The following GNS variants were observed in gnomAD, a reference collection of about 807,000 sequenced individuals.
The protein encoded by GNS is N-acetylglucosamine-6-sulfatase.
Under a neutral mutation model 69.7 loss-of-function variants are expected in GNS, and 40 were observed. That is an observed-to-expected ratio of 0.57 (90% CI 0.45 to 0.75). The LOEUF (loss-of-function observed/expected upper bound fraction) is 0.75. Among genes scored for constraint, GNS ranks in the 30% least tolerant of loss-of-function variants. The pLI is 0.00. For missense variants in GNS, 565 were observed against 685.5 expected (o/e 0.82, Z 1.96); for synonymous variants, 243 against 251.6 (o/e 0.97, Z 0.32).
At chr12:64,741,680 A>C in intron 6 of GNS, among the ~76,000 whole-genome samples, 1 of 152,070 alleles carries the variant, frequency 6.6e-6, no homozygotes. Flanking sequence ...TTCAAGTCTA[A>C]ATCTGGAGGG....
In GNS at chr12:64,716,774, G is replaced by A. The variant is rs1465256900; in HGVS notation, c.1626C>T (p.Val542=). 2 of 1,613,442 alleles carry A rather than the reference G, an allele frequency of 1.2e-6. No individual in the cohort carries two copies. The highest frequency in any genetic ancestry group is 2.2e-5 in the South Asian group (2 of 91,066). ...PRLMFSNRGS[V]RTRRFSKHLL is the part of the protein sequence containing the mutation. ...GATGTTTGGAAAATCTTCGAGTCCT[G>A]ACACTGCCGCGATTGCTGAACATGA... is the stretch of plus-strand genomic sequence containing the variant. The change falls in exon 14 of 14, where the codon GTC becomes GTT. Residue 542 remains valine, a synonymous_variant. Coordinates refer to ENST00000258145, the MANE Select transcript of GNS (RefSeq NM_002076.4).
chr12:64,747,869 C>G lies in GNS; in HGVS notation c.302G>C (p.Gly101Ala). ...CCPSRASILT[G>A]KYPHNHHVVN... ...AACGTGATGATTATGTGGGTACTTTCCTGTCAGGATACTGGCTCTGCTGGG... is the reference window on the plus strand; with the variant it reads ...AACGTGATGATTATGTGGGTACTTTGCTGTCAGGATACTGGCTCTGCTGGG... Residue 101 changes from glycine to alanine, a missense_variant, in exon 3 of 14, where the codon GGA becomes GCA. By Grantham distance (60) the Gly-to-Ala change is moderately conservative (BLOSUM62 0). Coordinates refer to ENST00000258145, the MANE Select transcript of GNS (RefSeq NM_002076.4). The G allele has an allele frequency of 6.2e-7, 1 of 1,611,962 alleles. No individual in the cohort carries two copies. Among genetic ancestry groups the G allele is most frequent in the Non-Finnish European group, 8.5e-7 (1 of 1,178,056 alleles).
Position 64,727,270 on chromosome 12 carries a change from T to TAA in GNS, c.1200+1684_1200+1685dup, listed in dbSNP as rs34941904. Among the ~76,000 whole-genome samples, 214 of 137,270 alleles carry TAA rather than the reference T, an allele frequency of 1.6e-3. 4 individuals carry two copies. The highest frequency in any genetic ancestry group is 6.3e-3 in the South Asian group (27 of 4,268). The allele number at this position is 137,270 out of a possible 152,430, so 90.1% of individuals were successfully genotyped here. ...TGTAGGGAGACCTCATTTCTACTATTAAAAAAAAAAAAAAAATTAGCCAGA... is the reference window on the plus strand; with the variant it reads ...TGTAGGGAGACCTCATTTCTACTATTAAAAAAAAAAAAAAAAAATTAGCCAGA... On this transcript the variant is annotated intron_variant, in intron 10 of 13. Transcript: ENST00000258145.
Position 64,747,908 on chromosome 12 carries a change from C to G in GNS, c.263G>C (p.Ser88Thr). 5 of 1,589,624 alleles carry G rather than the reference C, an allele frequency of 3.1e-6. No homozygotes were observed. The highest frequency in any genetic ancestry group is 4.3e-6 in the Non-Finnish European group (5 of 1,157,724). ...GGCTCTGCTGGGGCAGCAGAGAGCA[C>G]TTGGCACATACTACAAAGGAAAGGA... ...GMTFSSAYVP[S>T]ALCCPSRASI... Residue 88 changes from serine to threonine, a missense_variant, in exon 3 of 14, where the codon AGT (serine) becomes ACT (threonine). Physicochemically the swap from Ser to Thr is moderately conservative, Grantham distance 58. Coordinates refer to ENST00000258145, the MANE Select transcript of GNS (RefSeq NM_002076.4).
chr12:64,740,702 GA>G lies in GNS; in HGVS notation c.793-15del, dbSNP rs754323701. ...CCAGTGCTTGTTCTAAAATTTAGAA[GA>G]AAAAAAATGTTAACACCAAGTCACC... On this transcript the variant is annotated splice_polypyrimidine_tract_variant and intron_variant, in intron 6 of 13. Coordinates refer to ENST00000258145, the MANE Select transcript of GNS (RefSeq NM_002076.4). 5.6e-5 allele frequency: 74 copies of G among 1,329,110 alleles called. No individual in the cohort carries two copies. Among genetic ancestry groups the G allele is most frequent in the Non-Finnish European group, 6.6e-5 (61 of 921,342 alleles). The allele number at this position is 1,329,110 out of a possible 1,614,324, so 82.3% of individuals were successfully genotyped here.
At chr12:64,732,427 C>A (rs372761887) in intron 9 of GNS, among the ~76,000 whole-genome samples, 1 of 150,860 alleles carries the variant, frequency 6.6e-6, no homozygotes, top group Non-Finnish European at 1.5e-5. Context: ...CTCAGCCTCC[C>A]AAAGTGCTGG....
chr12:64,752,630 G>T (rs988160760), intron 2 of GNS, 68 bp downstream of exon 2: 10 of 825,420 alleles, frequency 1.2e-5, no homozygotes, highest in Non-Finnish European at 1.7e-5. Context: ...AGATTCCCGA[G>T]AAGAGAGTAT....
Position 64,715,019 on chromosome 12 carries a change from T to C in GNS, c.*1722A>G, listed in dbSNP as rs1320016742. The C allele has an allele frequency of 6.6e-6, 1 of 152,642 alleles. No individual in the cohort carries two copies. The highest frequency in any genetic ancestry group is 1.5e-5 in the Non-Finnish European group (1 of 68,030). 9.5% of individuals were successfully genotyped at this position (152,642 alleles called of 1,614,324 possible). On this transcript the variant is annotated 3_prime_UTR_variant, in exon 14 of 14. Coordinates refer to ENST00000258145, the MANE Select transcript of GNS (RefSeq NM_002076.4). ...CCAACATGACTATCTGCAATTCTGA[T>C]AGAAAAGCTACTTTCAGCCATGTCT... is the stretch of plus-strand genomic sequence containing the variant.
intron 11 of GNS, among the ~76,000 whole-genome samples, chr12:64,722,130 T>C (rs951577293): frequency 6.6e-6 from 1 of 151,998 alleles, no homozygotes; most frequent in Non-Finnish European, 1.5e-5. Context: ...GTTCACACGA[T>C]TATCCTTCCT....
intron 9 of GNS, among the ~76,000 whole-genome samples, chr12:64,733,567 A>G (rs1474339056): frequency 1.3e-5 from 2 of 152,208 alleles, no homozygotes; most frequent in African/African-American, 4.8e-5. Context: ...ACTACATGAG[A>G]AAGTGCAGAA....
intron 12 of GNS, 104 bp from the exon 13 acceptor site, chr12:64,720,286 A>T (rs933844415): frequency 5.5e-4 from 97 of 175,560 alleles, no homozygotes; most frequent in African/African-American, 2.7e-3. Context: ...GAGGTAGATT[A>T]AAAAAAAAAA....
chr12:64,753,902 T>C (rs564985055), intron 1 of GNS, among the ~76,000 whole-genome samples: 2 of 152,318 alleles, frequency 1.3e-5, no homozygotes, highest in East Asian at 3.9e-4. Context: ...AAAGCATCAC[T>C]GGGTACCATC....
Position 64,720,174 on chromosome 12 carries a change from T to C in GNS, c.1428A>G (p.Val476=), listed in dbSNP as rs1326550869. 1.3e-6 allele frequency: 2 copies of C among 1,593,216 alleles called. No homozygotes were observed. The highest frequency in any genetic ancestry group is 1.7e-6 in the Non-Finnish European group (2 of 1,161,374). The part of the protein sequence containing the change: ...YCEFDDQEVF[V]EVYNLTADPD... Reference sequence around the variant, plus strand: ...GGTCTGCAGTCAGATTATAGACTTCTACAAACACCTAGAGGACATGAAAGA... The same window carrying C: ...GGTCTGCAGTCAGATTATAGACTTCCACAAACACCTAGAGGACATGAAAGA... The change falls in exon 13 of 14, where the codon GTA becomes GTG. Residue 476 remains valine (V), a synonymous_variant. Coordinates refer to ENST00000258145, the MANE Select transcript of GNS (RefSeq NM_002076.4).
chr12:64,740,542 C>G, intron 7 of GNS, 64 bp downstream of exon 7: 1 of 880,664 alleles, frequency 1.1e-6, no homozygotes, highest in Non-Finnish European at 2.0e-6. Flanking sequence ...GTGGTCTCCT[C>G]TTCATGAGCT....
chr12:64,740,430 CATTT>C (rs994345877), intron 7 of GNS, among the ~76,000 whole-genome samples, 172 bp downstream of exon 7: 23 of 152,292 alleles, frequency 1.5e-4, no homozygotes, highest in African/African-American at 2.6e-4. Flanking sequence ...CCACCTCATT[CATTT>C]GAGTGTAAAG....
chr12:64,747,978 T>C (rs1869948737), intron 2 of GNS, 60 bp from the exon 3 acceptor site: 4 of 904,478 alleles, frequency 4.4e-6, no homozygotes, highest in South Asian at 2.6e-5. Context: ...CTTCTCATCA[T>C]TGTTAAAGAG....
At chr12:64,742,231 A>G (rs542387117) in intron 6 of GNS, among the ~76,000 whole-genome samples, 2 of 152,246 alleles carry the variant, frequency 1.3e-5, no homozygotes, top group South Asian at 4.1e-4. Flanking sequence ...TGTGTTAGCC[A>G]GGATGGTCTC....
At chr12:64,752,972 AG>A (rs1445872409) in intron 1 of GNS, 1 of 583,552 alleles carries the variant, frequency 1.7e-6, no homozygotes, top group Non-Finnish European at 3.0e-6. Flanking sequence ...AAATGCTTGC[AG>A]GAAGGGAAAG....
chr12:64,756,033 A>T (rs1344405655), intron 1 of GNS, among the ~76,000 whole-genome samples: 2 of 152,222 alleles, frequency 1.3e-5, no homozygotes, highest in Admixed American at 6.5e-5. Context: ...CACTATAATG[A>T]TGTTTAAATA....
Sources: gnomAD v4.1 joint callset for allele counts (sites outside exome capture counted in the v4.1 genomes callset) on GRCh38, gnomAD v4.1.1 for gene constraint, MANE v1.5 for transcripts, NCBI Gene and HGNC (gene_info 2026-07-23, HGNC 2026-07-21) for gene names.